The following NDST3 variants were observed in gnomAD, a reference collection of about 807,000 sequenced individuals.
NDST3 encodes N-deacetylase and N-sulfotransferase 3.
Under a neutral mutation model 96.1 loss-of-function variants are expected in NDST3, and 58 were observed. The ratio of observed to expected loss-of-function variants is 0.60; its 90% CI spans 0.49 to 0.75. The LOEUF is 0.75. NDST3 is among the 30% of genes least tolerant of loss of function. The probability of loss-of-function intolerance (pLI) is 0.00; values close to 1 mark genes in which losing one functional copy is unlikely to be tolerated. For synonymous variants in NDST3, 333 were observed against 359.7 expected (o/e 0.93, Z 0.84); for missense variants, 788 against 1,034.2 (o/e 0.76, Z 3.27).
Position 118,143,693 on chromosome 4 carries a change from T to C in NDST3, c.1539+9T>C, listed in dbSNP as rs1733732059. 6.4e-7 allele frequency: 1 copy of C among 1,573,900 alleles called. No individual in the cohort carries two copies. Among genetic ancestry groups the C allele is most frequent in the Non-Finnish European group, 8.6e-7 (1 of 1,167,492 alleles). ...CTGTCGTCCTCAACCCTGTAAGTAC[T>C]TTATTCTCCAAATAAATAGTGAAAA... On this transcript the variant is annotated intron_variant, in intron 6 of 13. Coordinates refer to ENST00000296499, the MANE Select transcript of NDST3 (RefSeq NM_004784.3).
At chr4:118,074,999 C>A (rs1335220801) in intron 2 of NDST3, among the ~76,000 whole-genome samples, 1 of 151,924 alleles carries the variant, frequency 6.6e-6, no homozygotes, top group Non-Finnish European at 1.5e-5. Flanking sequence ...TTTGCTGCAC[C>A]CATTAACTCA....
intron 2 of NDST3, among the ~76,000 whole-genome samples, chr4:118,056,324 A>T: frequency 6.6e-6 from 1 of 151,952 alleles, no homozygotes; most frequent in East Asian, 1.9e-4. Context: ...TACAAAATAC[A>T]AAATGCCATT....
At chr4:118,205,990 G>A (rs184639649) in intron 6 of NDST3, among the ~76,000 whole-genome samples, 5,344 of 142,552 alleles carry the variant, frequency 0.037, 842 homozygotes, top group Non-Finnish European at 0.06. Context: ...CCGCCACCAC[G>A]CCCAGCTAAT....
intron 1 of NDST3, among the ~76,000 whole-genome samples, chr4:118,053,195 A>G (rs928254303): frequency 1.3e-5 from 2 of 152,044 alleles, no homozygotes; most frequent in Non-Finnish European, 2.9e-5. Context: ...AATGAATTGC[A>G]TTGTGGGACC....
At chr4:118,108,089 AC>A (rs1208276697) in intron 3 of NDST3, among the ~76,000 whole-genome samples, 1 of 152,126 alleles carries the variant, frequency 6.6e-6, no homozygotes. Context: ...CATTTATAAA[AC>A]CATAAAATCT....
At chr4:118,234,835 G>A (rs662581) in intron 9 of NDST3, among the ~76,000 whole-genome samples, 44,746 of 151,714 alleles carry the variant, frequency 0.29, 8,108 homozygotes, top group Middle Eastern at 0.43. Context: ...TTCCAGACCA[G>A]CCTGGCCAAC....
At chr4:118,121,175 C>T (rs1435123548) in intron 4 of NDST3, among the ~76,000 whole-genome samples, 2 of 152,038 alleles carry the variant, frequency 1.3e-5, no homozygotes, top group Non-Finnish European at 2.9e-5. Context: ...TGTGTAATCC[C>T]TATATTTTAC....
At chr4:118,242,599 A>C (rs1022833699) in intron 12 of NDST3, among the ~76,000 whole-genome samples, 1 of 152,196 alleles carries the variant, frequency 6.6e-6, no homozygotes, top group Non-Finnish European at 1.5e-5. Flanking sequence ...GTGATTGAAT[A>C]AGCAGAGAGA....
At chr4:118,103,155 A>G (rs957994212) in intron 2 of NDST3, among the ~76,000 whole-genome samples, 4 of 152,160 alleles carry the variant, frequency 2.6e-5, no homozygotes, top group African/African-American at 7.2e-5. Context: ...TCGAATTCCA[A>G]TTAAGTTTGA....
chr4:118,141,737 T>C (rs991379733), intron 5 of NDST3, among the ~76,000 whole-genome samples: 1 of 152,152 alleles, frequency 6.6e-6, no homozygotes, highest in African/African-American at 2.4e-5. Flanking sequence ...ACGTGAGCAT[T>C]TTATTATGTA....
At chr4:118,150,379 G>A (rs1367488607) in intron 6 of NDST3, among the ~76,000 whole-genome samples, 2 of 151,986 alleles carry the variant, frequency 1.3e-5, no homozygotes, top group South Asian at 4.2e-4. Context: ...AGACAAAATT[G>A]ACAAATGGGA....
At chr4:118,238,850 C>A (rs1252208936) in intron 10 of NDST3, among the ~76,000 whole-genome samples, 1 of 152,172 alleles carries the variant, frequency 6.6e-6, no homozygotes, top group African/African-American at 2.4e-5. Context: ...GCCCAAATAC[C>A]AGAACCATGG....
intron 6 of NDST3, among the ~76,000 whole-genome samples, chr4:118,212,225 T>TA (rs1326086389): frequency 6.6e-6 from 1 of 152,142 alleles, no homozygotes; most frequent in African/African-American, 2.4e-5. Flanking sequence ...ATAAAGCAGA[T>TA]AGAGGCAGCT....
chr4:118,145,969 C>T (rs546061973), intron 6 of NDST3, among the ~76,000 whole-genome samples: 3 of 152,260 alleles, frequency 2.0e-5, no homozygotes, highest in South Asian at 2.1e-4. Flanking sequence ...CACATCTAGC[C>T]GGAGGCCGGA....
Position 118,258,530 on chromosome 4 carries a change from G to A in NDST3, c.*2818G>A, listed in dbSNP as rs1419311112. The A allele has an allele frequency of 1.3e-5, 2 of 152,008 alleles. No homozygotes were observed. The highest frequency in any genetic ancestry group is 6.6e-5 in the Admixed American group (1 of 15,238). 9.4% of individuals were successfully genotyped at this position (152,008 alleles called of 1,614,324 possible). A position where few individuals can be genotyped will look rare whatever the true frequency, so the allele number is the denominator to read the frequency against. Reference sequence around the variant, plus strand: ...TCATTCACATTGAATGAAAATTACTGGAAACATTTTTTTCTCTGAGTTTTT... The same window carrying A: ...TCATTCACATTGAATGAAAATTACTAGAAACATTTTTTTCTCTGAGTTTTT... On this transcript the variant is annotated 3_prime_UTR_variant, in exon 14 of 14. Coordinates refer to ENST00000296499, the MANE Select transcript of NDST3 (RefSeq NM_004784.3).
At chr4:118,162,137 G>T (rs1020169316) in intron 6 of NDST3, among the ~76,000 whole-genome samples, 3 of 152,070 alleles carry the variant, frequency 2.0e-5, no homozygotes, top group Non-Finnish European at 2.9e-5. Context: ...CATGCTCATG[G>T]GTAGGAAGAA....
intron 6 of NDST3, among the ~76,000 whole-genome samples, chr4:118,150,162 A>C (rs1734284204): frequency 6.6e-6 from 1 of 151,990 alleles, no homozygotes. Context: ...GTTTGCCAGT[A>C]TTTTATTGAG....
At chr4:118,193,711 G>A (rs1737471078) in intron 6 of NDST3, 2 of 1,318,094 alleles carry the variant, frequency 1.5e-6, no homozygotes, top group South Asian at 1.2e-5. Flanking sequence ...CTCCCCAATG[G>A]AAGAGGCCCT....
intron 6 of NDST3, among the ~76,000 whole-genome samples, chr4:118,184,432 C>G (rs1367800430): frequency 6.6e-6 from 1 of 152,072 alleles, no homozygotes; most frequent in Admixed American, 6.6e-5. Context: ...AGAGGAAATT[C>G]TCCCAGCAGA....
Sources: allele counts gnomAD v4.1 joint callset (sites outside exome capture counted in the v4.1 genomes callset), GRCh38; gene constraint gnomAD v4.1.1; transcripts MANE v1.5; gene names NCBI Gene and HGNC (gene_info 2026-07-23, HGNC 2026-07-21).